Variants in CDH13 observed in about 807,000 individuals in gnomAD.
CDH13 encodes cadherin-13.
In CDH13, 24 loss-of-function variants were observed where a neutral mutation model predicts 63.8. The ratio of observed to expected loss-of-function variants is 0.38; its 90% CI spans 0.27 to 0.53. The LOEUF is 0.53. CDH13 is among the 20% of genes least tolerant of loss of function. The pLI is 0.85. For synonymous variants in CDH13, 503 were observed against 355.3 expected, an observed-to-expected ratio of 1.42 and a Z score of -4.67; for missense variants, 1,049 against 903.1, an observed-to-expected ratio of 1.16 and a Z score of -2.07.
At chr16:83,351,615 C>T (rs1009872335) in intron 6 of CDH13, among the ~76,000 whole-genome samples, 10 of 152,216 alleles carry the variant, frequency 6.6e-5, no homozygotes, top group African/African-American at 2.4e-4. Flanking sequence ...ACCATCGTCT[C>T]CTTAACCAAT....
At chr16:82,853,388 T>C (rs1038259740) in intron 1 of CDH13, among the ~76,000 whole-genome samples, 2 of 152,242 alleles carry the variant, frequency 1.3e-5, no homozygotes, top group Non-Finnish European at 2.9e-5. Context: ...ATCATGAATA[T>C]GGATTTAAAT....
chr16:83,450,029 G>A (rs1048185687), intron 6 of CDH13, among the ~76,000 whole-genome samples: 1 of 152,232 alleles, frequency 6.6e-6, no homozygotes, highest in Non-Finnish European at 1.5e-5. Flanking sequence ...CCCGGGCCCA[G>A]CTGCTCATCA....
chr16:83,061,188 G>A (rs888069146), intron 3 of CDH13, among the ~76,000 whole-genome samples: 17 of 152,196 alleles, frequency 1.1e-4, no homozygotes, highest in African/African-American at 4.1e-4. Context: ...AGGTTTCCAG[G>A]ATCCTGGTCT....
chr16:82,738,519 T>A (rs1444265020), intron 1 of CDH13, among the ~76,000 whole-genome samples: 2 of 152,202 alleles, frequency 1.3e-5, no homozygotes, highest in African/African-American at 2.4e-5. Flanking sequence ...CAAGCTAGTT[T>A]CCAAATTCCT....
At chr16:83,044,579 C>T (rs1217636230) in intron 3 of CDH13, among the ~76,000 whole-genome samples, 1 of 152,196 alleles carries the variant, frequency 6.6e-6, no homozygotes, top group Non-Finnish European at 1.5e-5. Context: ...TCTTCATAGT[C>T]CCATAGGCTA....
At chr16:83,042,504 A>G (rs960552252) in intron 3 of CDH13, among the ~76,000 whole-genome samples, 1 of 152,196 alleles carries the variant, frequency 6.6e-6, no homozygotes, top group African/African-American at 2.4e-5. Flanking sequence ...ATTCTACATT[A>G]TGGTGCGTTG....
At chr16:82,791,513 C>G (rs1037317069) in intron 1 of CDH13, among the ~76,000 whole-genome samples, 1 of 152,164 alleles carries the variant, frequency 6.6e-6, no homozygotes, top group African/African-American at 2.4e-5. Context: ...TGTATGGGAG[C>G]TCTGTTTTCA....
rs529015401 is a variant in CDH13, at chr16:83,359,939, G to A, written c.781+14933G>A. ...GAATGGAACCCTGTAGCCATTAGACGTCGTTCCTTATAGTCTTAGGACACC... is the reference window on the plus strand; with the variant it reads ...GAATGGAACCCTGTAGCCATTAGACATCGTTCCTTATAGTCTTAGGACACC... On this transcript the variant is annotated intron_variant, in intron 6 of 13. Coordinates refer to ENST00000567109, the MANE Select transcript of CDH13 (RefSeq NM_001257.5). Among the ~76,000 whole-genome samples, 328 of 152,262 alleles carry A rather than the reference G, an allele frequency of 2.2e-3. 1 individual carries two copies. The highest frequency in any genetic ancestry group is 7.4e-3 in the African/African-American group (307 of 41,556).
intron 1 of CDH13, among the ~76,000 whole-genome samples, chr16:82,687,035 T>C (rs1478414533): frequency 1.3e-5 from 2 of 152,302 alleles, no homozygotes; most frequent in South Asian, 4.1e-4. Context: ...TTCGTAGATG[T>C]AGGAATCTGC....
intron 11 of CDH13, among the ~76,000 whole-genome samples, chr16:83,767,668 A>G (rs1470778021): frequency 1.3e-5 from 2 of 152,144 alleles, no homozygotes; most frequent in African/African-American, 4.8e-5. Context: ...TTCAGCCATA[A>G]AAAAGAATGA....
intron 2 of CDH13, among the ~76,000 whole-genome samples, chr16:82,983,742 T>C (rs1291036876): frequency 1.3e-5 from 2 of 152,164 alleles, no homozygotes; most frequent in Non-Finnish European, 2.9e-5. Flanking sequence ...GACACAAATA[T>C]ATATGCCTGC....
chr16:83,717,960 C>G (rs752566139), intron 10 of CDH13: 1 of 152,252 alleles, frequency 6.6e-6, no homozygotes, highest in Non-Finnish European at 1.5e-5. Flanking sequence ...AAGTCACTTC[C>G]TGCTGCTCTG....
Position 83,047,616 on chromosome 16 carries a change from A to G in CDH13, c.366+15398A>G, listed in dbSNP as rs1917920631. Among the ~76,000 whole-genome samples, 2 of 152,216 alleles carry G rather than the reference A, an allele frequency of 1.3e-5. No individual in the cohort carries two copies. Among genetic ancestry groups the G allele is most frequent in the African/African-American group, 2.4e-5 (1 of 41,450 alleles). On this transcript the variant is annotated intron_variant, in intron 3 of 13. Coordinates refer to ENST00000567109, the MANE Select transcript of CDH13 (RefSeq NM_001257.5). The surrounding 1 kb of genome is among the most constrained non-coding windows in gnomAD (Gnocchi z 4.9). ...CCAAATTCTGCATAAATAAAATAAT[A>G]TGCTCCATAATGGCAGAGATTTGAC...
Position 83,264,213 on chromosome 16 carries a change from C to T in CDH13, c.636+46716C>T, listed in dbSNP as rs547527734. ...TTTTTTTCATCCAGTATGATGCTCT[C>T]CTGATAAATACCACCTGTTCAATGG... On this transcript the variant is annotated intron_variant, in intron 5 of 13. Coordinates refer to ENST00000567109, the MANE Select transcript of CDH13 (RefSeq NM_001257.5). Among the ~76,000 whole-genome samples, 6 of 152,248 alleles carry T rather than the reference C, an allele frequency of 3.9e-5. No individual in the cohort carries two copies. In the East Asian group the frequency reaches 1.2e-3, roughly 29 times the overall value.
intron 4 of CDH13, among the ~76,000 whole-genome samples, chr16:83,176,623 C>G (rs902264929): frequency 1.3e-5 from 2 of 151,702 alleles, no homozygotes; most frequent in Non-Finnish European, 2.9e-5. Context: ...TATAATTCCA[C>G]TGAGCATCCT....
chr16:83,728,457 A>G (rs530126330), intron 10 of CDH13, among the ~76,000 whole-genome samples: 6 of 152,240 alleles, frequency 3.9e-5, no homozygotes, highest in African/African-American at 9.6e-5. Flanking sequence ...GTGCAATGCA[A>G]TTCTTTTTAG....
intron 10 of CDH13, among the ~76,000 whole-genome samples, chr16:83,714,297 T>G (rs567292616): frequency 6.6e-5 from 10 of 152,206 alleles, no homozygotes; most frequent in Non-Finnish European, 1.3e-4. Context: ...CCCTAAAAGA[T>G]TGATTTTTAT....
At chr16:82,696,163 T>A (rs1041330735) in intron 1 of CDH13, among the ~76,000 whole-genome samples, 1 of 152,166 alleles carries the variant, frequency 6.6e-6, no homozygotes, top group Non-Finnish European at 1.5e-5. Context: ...TAGTTTGCTG[T>A]CTAAGTAAAA....
intron 8 of CDH13, among the ~76,000 whole-genome samples, chr16:83,625,133 G>C (rs1187681643): frequency 1.4e-5 from 2 of 148,114 alleles, no homozygotes; most frequent in Non-Finnish European, 3.0e-5. Context: ...TAGTTATGGT[G>C]TTTGCCCACC....
Sources: gnomAD v4.1 joint callset for allele counts (sites outside exome capture counted in the v4.1 genomes callset) on GRCh38, gnomAD v4.1.1 for gene constraint, Gnocchi (gnomAD v3.1) non-coding constraint, MANE v1.5 for transcripts, NCBI Gene and HGNC (gene_info 2026-07-23, HGNC 2026-07-21) for gene names.